Variants in PCDH9 observed in about 807,000 individuals in gnomAD.
PCDH9 encodes protocadherin-9.
PCDH9 carries 24 observed loss-of-function variants against 70.6 expected under a neutral mutation model. The observed-to-expected ratio is 0.34, with a 90% CI of 0.25 to 0.48. The LOEUF is 0.48. Ranked by LOEUF, PCDH9 falls within the 20% of genes least tolerant of loss-of-function variation. The pLI, the probability that PCDH9 is intolerant of heterozygous loss-of-function variation, is 0.99. For synonymous variants in PCDH9, 562 were observed against 558.5 expected (o/e 1.01, Z -0.09); for missense variants, 1,281 against 1,503.6 (o/e 0.85, Z 2.45).
chr13:66,897,739 T>A (rs1350397307), intron 3 of PCDH9, among the ~76,000 whole-genome samples: 1 of 152,152 alleles, frequency 6.6e-6, no homozygotes, highest in Non-Finnish European at 1.5e-5. Flanking sequence ...CATATGCTTA[T>A]TTAGCAAGTA....
At chr13:66,584,578 A>G (rs189469172) in intron 4 of PCDH9, among the ~76,000 whole-genome samples, 6 of 152,344 alleles carry the variant, frequency 3.9e-5, no homozygotes, top group Admixed American at 3.9e-4. Flanking sequence ...TTATGCCGCT[A>G]TAACATTTAT....
chr13:66,755,254 T>C (rs2079522308), intron 3 of PCDH9, among the ~76,000 whole-genome samples: 1 of 152,186 alleles, frequency 6.6e-6, no homozygotes, highest in South Asian at 2.1e-4. Context: ...TTATTCCTTT[T>C]CTACAGAGAA....
At chr13:66,867,358 A>G (rs2139497060) in intron 3 of PCDH9, among the ~76,000 whole-genome samples, 1 of 152,328 alleles carries the variant, frequency 6.6e-6, no homozygotes. Context: ...AGACTGTAGA[A>G]TGATATTTGG....
intron 3 of PCDH9, among the ~76,000 whole-genome samples, chr13:66,722,954 C>A (rs561495845): frequency 3.3e-4 from 48 of 145,158 alleles, no homozygotes; most frequent in Middle Eastern, 3.6e-3. Context: ...AGCATCAGAG[C>A]CAGACTGCAT....
chr13:66,571,358 A>G (rs2076730448), intron 4 of PCDH9, among the ~76,000 whole-genome samples: 1 of 151,960 alleles, frequency 6.6e-6, no homozygotes, highest in Non-Finnish European at 1.5e-5. Flanking sequence ...GAAAACATTG[A>G]CCCTTTGCTT....
chr13:66,792,911 T>C (rs991748402), intron 3 of PCDH9, among the ~76,000 whole-genome samples: 1 of 150,914 alleles, frequency 6.6e-6, no homozygotes, highest in African/African-American at 2.4e-5. Context: ...GTATTGATAG[T>C]GAAAATGTTA....
At chr13:66,688,563 A>G (rs750210360) in intron 3 of PCDH9, among the ~76,000 whole-genome samples, 14 of 152,144 alleles carry the variant, frequency 9.2e-5, no homozygotes, top group Non-Finnish European at 1.8e-4. Context: ...ATATTAATAG[A>G]TGTAAGTATT....
intron 2 of PCDH9, among the ~76,000 whole-genome samples, chr13:66,954,185 G>A (rs2083230368): frequency 6.6e-6 from 1 of 152,052 alleles, no homozygotes; most frequent in African/African-American, 2.4e-5. Flanking sequence ...ACTGCTCCTA[G>A]CCCATGTCTT....
intron 2 of PCDH9, among the ~76,000 whole-genome samples, chr13:67,064,048 G>T (rs260136): frequency 0.39 from 58,684 of 151,814 alleles, 11,985 homozygotes; most frequent in African/African-American, 0.5. Context: ...AGTTCTCCTG[G>T]CCTCATTGTT....
intron 4 of PCDH9, among the ~76,000 whole-genome samples, chr13:66,394,754 G>A (rs898179134): frequency 1.3e-5 from 2 of 152,064 alleles, no homozygotes; most frequent in Non-Finnish European, 2.9e-5. Context: ...AAAAAGGAGT[G>A]GGTTAGATGA....
At chr13:66,333,423 C>T (rs1186171112) in intron 4 of PCDH9, among the ~76,000 whole-genome samples, 1 of 152,124 alleles carries the variant, frequency 6.6e-6, no homozygotes, top group Non-Finnish European at 1.5e-5. Flanking sequence ...CTGCACAATC[C>T]AGCCTCAAGC....
chr13:67,098,483 A>G (rs367605638), intron 2 of PCDH9, among the ~76,000 whole-genome samples: 80 of 152,278 alleles, frequency 5.3e-4, no homozygotes, highest in African/African-American at 1.8e-3. Context: ...TCACTTTCCT[A>G]TCTTCTGAGT....
chr13:66,878,352 G>C (rs111365277), intron 3 of PCDH9, among the ~76,000 whole-genome samples: 1 of 151,774 alleles, frequency 6.6e-6, no homozygotes, highest in Non-Finnish European at 1.5e-5. Context: ...TCAGCCTCCC[G>C]AGCAGCTGGG....
At position 66,737,409 on chromosome 13, in the gene PCDH9, A is replaced by G. The variant is rs1276897642; in HGVS notation, c.3139-105998T>C. 2.6e-5 allele frequency among the ~76,000 whole-genome samples: 4 copies of G among 152,238 alleles called. No homozygotes were observed. In the East Asian group the frequency reaches 5.8e-4, roughly 22 times the overall value. ...TTAAAAGTTATTGGTGGTTCTCACC[A>G]AAAGTGGGCTACCCACATGAGTTGG... On this transcript the variant is annotated intron_variant, in intron 3 of 4. Coordinates refer to ENST00000377865, the MANE Select transcript of PCDH9 (RefSeq NM_203487.3).
chr13:67,010,357 T>G (rs901111851), intron 2 of PCDH9, among the ~76,000 whole-genome samples: 4 of 151,998 alleles, frequency 2.6e-5, no homozygotes, highest in Non-Finnish European at 5.9e-5. Context: ...ATCCATTATG[T>G]TGAGGCACGG....
intron 3 of PCDH9, among the ~76,000 whole-genome samples, chr13:66,646,684 G>A (rs1434318488): frequency 2.6e-5 from 4 of 152,144 alleles, no homozygotes; most frequent in African/African-American, 9.7e-5. Context: ...CTTCTACACA[G>A]AACATCAAAT....
chr13:67,008,800 C>T lies in PCDH9; in HGVS notation c.3037-105195G>A, dbSNP rs55900380. ...ACCTATCAATGTAAGAGAATCATCA[C>T]TTGCCTATCCGCTTCTAATCTAGCC... On this transcript the variant is annotated intron_variant, in intron 2 of 4. Coordinates refer to ENST00000377865, the MANE Select transcript of PCDH9 (RefSeq NM_203487.3). Among the ~76,000 whole-genome samples the T allele has an allele frequency of 5.1e-3, 781 of 152,186 alleles. 3 individuals carry two copies. The highest frequency in any genetic ancestry group is 0.018 in the African/African-American group (727 of 41,534).
chr13:67,140,688 C>T (rs1054304439), intron 2 of PCDH9, among the ~76,000 whole-genome samples: 4 of 152,198 alleles, frequency 2.6e-5, no homozygotes, highest in African/African-American at 9.6e-5. Flanking sequence ...AATGTGCCTC[C>T]TCCACTCTAC....
chr13:66,387,543 T>TAAAAAA (rs35239094), intron 4 of PCDH9, among the ~76,000 whole-genome samples: 10 of 115,484 alleles, frequency 8.7e-5, no homozygotes, highest in African/African-American at 3.1e-4. Flanking sequence ...GATCTGGTGG[T>TAAAAAA]AAAAAAAAAA....
Sources: gnomAD v4.1 joint callset for allele counts (sites outside exome capture counted in the v4.1 genomes callset) on GRCh38, gnomAD v4.1.1 for gene constraint, MANE v1.5 for transcripts, NCBI Gene and HGNC (gene_info 2026-07-23, HGNC 2026-07-21) for gene names.